NRXN2: variants seen among roughly 807,000 people sequenced by gnomAD.
NRXN2 encodes the protein neurexin 2.
Under a neutral mutation model 128.8 loss-of-function variants are expected in NRXN2, and 29 were observed. The observed-to-expected ratio is 0.23, with a 90% CI of 0.17 to 0.31. The LOEUF is 0.31. Among genes scored for constraint, NRXN2 ranks in the 10% least tolerant of loss-of-function variants. The pLI, the probability that NRXN2 is intolerant of heterozygous loss-of-function variation, is 1.00. For synonymous variants in NRXN2, 1,098 were observed against 1,075.2 expected (o/e 1.02, Z -0.41); for missense variants, 1,881 against 2,452.6 (o/e 0.77, Z 4.92).
Position 64,635,209 on chromosome 11 carries a change from G to A in NRXN2, c.3585+62C>T. The A allele has an allele frequency of 6.3e-7, 1 of 1,583,380 alleles. No homozygotes were observed. Among genetic ancestry groups the A allele is most frequent in the Non-Finnish European group, 8.7e-7 (1 of 1,155,120 alleles). The stretch of plus-strand genomic sequence containing the variant: ...GAGGTGCTGATCCCATGGCAATGAG[G>A]GGCTGAACTGATTTGGGAGCAGGAA... On this transcript the variant is annotated intron_variant, in intron 18 of 22. Transcript: ENST00000265459. This position sits in a 1 kb window ranked among gnomAD's most constrained non-coding sequence, Gnocchi z 4.8.
intron 17 of NRXN2, among the ~76,000 whole-genome samples, chr11:64,638,000 C>A (rs777889025): frequency 4.6e-5 from 7 of 152,174 alleles, no homozygotes; most frequent in African/African-American, 9.7e-5. Context: ...CCCAGCTGCA[C>A]ACAAAGACCC....
chr11:64,685,819 T>A lies in NRXN2; in HGVS notation c.979A>T (p.Met327Leu), dbSNP rs369100366. The change falls in exon 6 of 23, where the codon ATG becomes TTG. Residue 327 changes from methionine to leucine, a missense_variant. Physicochemically the swap from Met to Leu is conservative, Grantham distance 15. Around this residue, in one of 7 missense-constraint regions of NRXN2, gnomAD observed 997 missense variants for 1,240.8 expected, o/e 0.80. Transcript: ENST00000265459. The stretch of plus-strand genomic sequence containing the variant: ...TCGGCCGACTTGCCTGTATGCAGCA[T>A]CAGGCCGTTGCGTTGCAGGGTGCGG... ...AFRTLQRNGL[M>L]LHTGKSADYV... 4 of 1,614,124 alleles carry A rather than the reference T, an allele frequency of 2.5e-6. No homozygotes were observed. Among genetic ancestry groups the A allele is most frequent in the African/African-American group, 1.3e-5 (1 of 74,928 alleles).
chr11:64,668,898 T>G (rs1441297972), intron 7 of NRXN2, among the ~76,000 whole-genome samples: 1 of 152,116 alleles, frequency 6.6e-6, no homozygotes, highest in Non-Finnish European at 1.5e-5. Flanking sequence ...CCCCAAGAAG[T>G]AGTTCCTGGA....
At chr11:64,685,988 G>A (rs751648344) in intron 5 of NRXN2, 41 bp from the exon 6 acceptor site, 2 of 1,610,240 alleles carry the variant, frequency 1.2e-6, no homozygotes, top group Non-Finnish European at 1.7e-6. Context: ...AGGCTGAATG[G>A]GGCAGGGTAC....
At chr11:64,698,536 G>C (rs1441686442) in intron 2 of NRXN2, among the ~76,000 whole-genome samples, 1 of 152,240 alleles carries the variant, frequency 6.6e-6, no homozygotes, top group East Asian at 1.9e-4. Context: ...TTCTGACTCT[G>C]ATTCTGATTC....
At position 64,630,019 on chromosome 11, in the gene NRXN2, T is replaced by C. The variant is rs117949796; in HGVS notation, c.3757+383A>G. On this transcript the variant is annotated intron_variant, in intron 19 of 22. Coordinates refer to ENST00000265459, the MANE Select transcript of NRXN2 (RefSeq NM_015080.4). This position sits in a 1 kb window ranked among gnomAD's most constrained non-coding sequence, Gnocchi z 4.6. ...ACTTCTGGATTTTCTCTCCTGTTTCTGCATCTGTCTCCCTCATTTCTGAAC... is the reference window on the plus strand; with the variant it reads ...ACTTCTGGATTTTCTCTCCTGTTTCCGCATCTGTCTCCCTCATTTCTGAAC... Among the ~76,000 whole-genome samples the C allele has an allele frequency of 2.6e-3, 391 of 152,252 alleles. 8 individuals are homozygous for C. The East Asian group carries it at 0.067, about 26-fold the overall frequency.
chr11:64,641,645 C>G (rs759434506), intron 17 of NRXN2, among the ~76,000 whole-genome samples: 1 of 151,246 alleles, frequency 6.6e-6, no homozygotes, highest in Non-Finnish European at 1.5e-5. Flanking sequence ...TGAGATGGGG[C>G]TGAGGAAGGA....
chr11:64,677,651 A>G (rs1310323291), intron 6 of NRXN2, among the ~76,000 whole-genome samples: 1 of 152,144 alleles, frequency 6.6e-6, no homozygotes, highest in African/African-American at 2.4e-5. Flanking sequence ...AGCAGACCCA[A>G]TTATGCAGTA....
At chr11:64,657,122 C>T (rs1565322725) in intron 11 of NRXN2, among the ~76,000 whole-genome samples, 1 of 152,160 alleles carries the variant, frequency 6.6e-6, no homozygotes, top group Non-Finnish European at 1.5e-5. Flanking sequence ...CAAGCCTCAC[C>T]AGGCTTCTCT....
At chr11:64,638,382 C>T (rs1409909382) in intron 17 of NRXN2, among the ~76,000 whole-genome samples, 1 of 152,138 alleles carries the variant, frequency 6.6e-6, no homozygotes, top group East Asian at 1.9e-4. Flanking sequence ...CATTTCTCTC[C>T]CCAGCACCGC....
In NRXN2 at chr11:64,648,884, T is replaced by C. The variant is rs148473653; in HGVS notation, c.3133A>G (p.Ser1045Gly). ...GGCAGGTTGCTGAACATATTCTTGC[T>C]CAGACCGCCAATGTACAACTCCCCT... ...LKGELYIGGL[S>G]KNMFSNLPKL... Residue 1045 changes from serine to glycine, a missense_variant, in exon 16 of 23, where the codon AGC becomes GGC. Ser to Gly is a moderately conservative substitution (Grantham distance 56). Around this residue, in one of 7 missense-constraint regions of NRXN2, gnomAD observed 390 missense variants for 599.6 expected, o/e 0.65. Coordinates refer to ENST00000265459, the MANE Select transcript of NRXN2 (RefSeq NM_015080.4). This position sits in a 1 kb window ranked among gnomAD's most constrained non-coding sequence, Gnocchi z 4.1. 2.6e-3 allele frequency: 4,257 copies of C among 1,614,144 alleles called. 13 individuals are homozygous for C. The highest frequency in any genetic ancestry group is 3.3e-3 in the Non-Finnish European group (3,841 of 1,180,002).
At chr11:64,688,003 C>T (rs1296593134) in intron 5 of NRXN2, among the ~76,000 whole-genome samples, 1 of 152,180 alleles carries the variant, frequency 6.6e-6, no homozygotes, top group Non-Finnish European at 1.5e-5. Flanking sequence ...CACCCAGAAG[C>T]CATTCCTCCC....
Position 64,635,377 on chromosome 11 carries a change from G to C in NRXN2, c.3479C>G (p.Thr1160Arg). ...GCCCACGGCCAGGCGATCCATCCTC[G>C]TGCTGGGCCTGTCATTGGGGGGCCA... is the stretch of plus-strand genomic sequence containing the variant. ...YTWPPNDRPS[T>R]RMDRLAVGFS... The change falls in exon 18 of 23, where the codon ACG becomes AGG. Residue 1160 changes from threonine (T) to arginine (R), a missense_variant. Thr to Arg is a moderately conservative substitution (Grantham distance 71). Around this residue, in one of 7 missense-constraint regions of NRXN2, gnomAD observed 390 missense variants for 599.6 expected, o/e 0.65. Transcript: ENST00000265459. The surrounding 1 kb of genome is among the most constrained non-coding windows in gnomAD (Gnocchi z 4.8). The C allele has an allele frequency of 6.2e-7, 1 of 1,613,778 alleles. No homozygotes were observed. Among genetic ancestry groups the C allele is most frequent in the Non-Finnish European group, 8.5e-7 (1 of 1,180,016 alleles).
In NRXN2 at chr11:64,651,217, C is replaced by T. The variant is rs767259144; in HGVS notation, c.2918+38G>A. On this transcript the variant is annotated intron_variant, in intron 14 of 22. Coordinates refer to ENST00000265459, the MANE Select transcript of NRXN2 (RefSeq NM_015080.4). This position sits in a 1 kb window ranked among gnomAD's most constrained non-coding sequence, Gnocchi z 5.9. ...TATGTGGTTCAGCAGGGGGAGGGGG[C>T]CACCTCCTTGACAGCAGTGCAATCC... 7.4e-6 allele frequency: 12 copies of T among 1,612,470 alleles called. No individual in the cohort carries two copies. In the East Asian group the frequency reaches 2.0e-4, roughly 27 times the overall value.
At chr11:64,688,862 C>G (rs568245024) in intron 5 of NRXN2, 1 of 957,864 alleles carries the variant, frequency 1.0e-6, no homozygotes, top group African/African-American at 1.8e-5. Context: ...GTCTCCAGCG[C>G]CCCCCTCCGC....
At chr11:64,701,847 T>C (rs1177866622) in intron 2 of NRXN2, among the ~76,000 whole-genome samples, 9 of 145,024 alleles carry the variant, frequency 6.2e-5, no homozygotes, top group Non-Finnish European at 9.1e-5. Context: ...CGGCCGCCCC[T>C]ACTGGGAAGT....
In NRXN2 at chr11:64,608,210, G is replaced by C. The variant is rs1162684707; in HGVS notation, c.4253-128C>G. 15 of 761,660 alleles carry C rather than the reference G, an allele frequency of 2.0e-5. No homozygotes were observed. The African/African-American group carries it at 2.4e-4, about 12-fold the overall frequency. 47.2% of individuals were successfully genotyped at this position (761,660 alleles called of 1,614,324 possible). On this transcript the variant is annotated intron_variant, in intron 22 of 22. Transcript: ENST00000265459. ...TTCCAATTGGCTTTGGCGGAGACTA[G>C]AGCGGGCTGGGCCCGCCCGCCAGCC...
intron 3 of NRXN2, among the ~76,000 whole-genome samples, chr11:64,696,486 A>T (rs888821907): frequency 2.0e-5 from 3 of 150,060 alleles, no homozygotes; most frequent in Non-Finnish European, 4.4e-5. Flanking sequence ...GAGTTGTATA[A>T]ATGTATGTGT....
chr11:64,668,672 G>A (rs909806798), intron 7 of NRXN2, 68 bp from the exon 8 acceptor site: 21 of 1,587,358 alleles, frequency 1.3e-5, no homozygotes, highest in Admixed American at 1.7e-5. Context: ...GAAGAGCTAC[G>A]GCTAGGCAAA....
Sources: allele counts gnomAD v4.1 joint callset (sites outside exome capture counted in the v4.1 genomes callset), GRCh38; gene constraint gnomAD v4.1.1; regional missense constraint gnomAD v4.1.1; non-coding constraint Gnocchi (gnomAD v3.1); transcripts MANE v1.5; gene names NCBI Gene and HGNC (gene_info 2026-07-23, HGNC 2026-07-21).